The following ATP11C variants were observed in gnomAD, a reference collection of about 807,000 sequenced individuals.
ATP11C encodes phospholipid-transporting ATPase IG.
ATP11C carries 36 observed loss-of-function variants against 97.4 expected under a neutral mutation model. The ratio of observed to expected loss-of-function variants is 0.37; its 90% CI spans 0.28 to 0.49. ATP11C has a LOEUF of 0.49. ATP11C is among the 20% of genes least tolerant of loss of function. The pLI is 0.98. For synonymous variants in ATP11C, 275 were observed against 290.9 expected, an observed-to-expected ratio of 0.95 and a Z score of 0.56; for missense variants, 730 against 824.6, an observed-to-expected ratio of 0.89 and a Z score of 1.40.
intron 1 of ATP11C, among the ~76,000 whole-genome samples, chrX:139,839,801 TTCC>T (rs2083800957): frequency 9.0e-6 from 1 of 111,693 alleles, no homozygotes; most frequent in African/African-American, 3.3e-5. Context: ...GTCTGGTCTC[TTCC>T]TCCTATTTCC....
At chrX:139,778,373 G>GT (rs1023064185) in intron 18 of ATP11C, among the ~76,000 whole-genome samples, 1 of 111,882 alleles carries the variant, frequency 8.9e-6, no homozygotes, top group African/African-American at 3.3e-5. Flanking sequence ...TTAGTAGAAA[G>GT]TTAACAGATC....
intron 3 of ATP11C, among the ~76,000 whole-genome samples, chrX:139,818,280 G>A (rs2083330526): frequency 8.9e-6 from 1 of 111,813 alleles, no homozygotes; most frequent in Admixed American, 9.5e-5. Flanking sequence ...TATGTGACTG[G>A]TCTTCTCAGC....
chrX:139,882,748 A>G (rs999311981), intron 1 of ATP11C, among the ~76,000 whole-genome samples: 1 of 110,940 alleles, frequency 9.0e-6, no homozygotes, highest in Non-Finnish European at 1.9e-5. Context: ...CCCCTAATAA[A>G]CCCTTGCCAA....
intron 5 of ATP11C, among the ~76,000 whole-genome samples, chrX:139,810,872 T>G (rs972215733): frequency 7.3e-5 from 8 of 110,141 alleles, no homozygotes; most frequent in South Asian, 3.9e-4. Flanking sequence ...TCAGAGTTTT[T>G]TTTTTTTTTT....
At chrX:139,834,230 C>T (rs2083711090) in intron 1 of ATP11C, among the ~76,000 whole-genome samples, 1 of 111,633 alleles carries the variant, frequency 9.0e-6, no homozygotes, top group Non-Finnish European at 1.9e-5. Flanking sequence ...AGCCAGGGAG[C>T]TTGACAAGTG....
chrX:139,798,580 A>C (rs2082850993), intron 9 of ATP11C, 99 bp downstream of exon 9: 16 of 721,487 alleles, frequency 2.2e-5, no homozygotes, highest in Admixed American at 3.2e-5. Context: ...GGTTTAAATT[A>C]AATGGCAAAC....
Position 139,791,976 on chromosome X carries a change from C to G in ATP11C, c.1207-2488G>C, listed in dbSNP as rs750436795. 3.0e-4 allele frequency among the ~76,000 whole-genome samples: 33 copies of G among 110,904 alleles called. No individual in the cohort carries two copies. In the Admixed American group the frequency reaches 3.1e-3, roughly 10 times the overall value. On this transcript the variant is annotated intron_variant, in intron 12 of 29. Transcript: ENST00000682941. ...AGCCTTAGTATCTCCAAAGTGATAA[C>G]AGTGTTTTTGCATGCTAATGAGATG... is the stretch of plus-strand genomic sequence containing the variant.
chrX:139,729,498 C>T (rs191845725), intron 29 of ATP11C, among the ~76,000 whole-genome samples: 4 of 111,605 alleles, frequency 3.6e-5, no homozygotes, highest in African/African-American at 1.3e-4. Context: ...CTGAAAGAAG[C>T]ATATTTCCCC....
At chrX:139,769,317 T>TATATATATATATATATAG (rs1317181023) in intron 19 of ATP11C, among the ~76,000 whole-genome samples, 1 of 80,347 alleles carries the variant, frequency 1.2e-5, no homozygotes, top group Non-Finnish European at 2.3e-5. Flanking sequence ...TATATATATA[T>TATATATATATATATATAG]ATATATATAT....
chrX:139,881,916 GCAT>G (rs1468950683), intron 1 of ATP11C, among the ~76,000 whole-genome samples: 11 of 111,904 alleles, frequency 9.8e-5, no homozygotes, highest in Admixed American at 9.5e-5. Flanking sequence ...CCACTGTTTT[GCAT>G]CATAATAGGC....
chrX:139,754,981 T>C (rs1304251718), intron 23 of ATP11C, among the ~76,000 whole-genome samples: 1 of 111,834 alleles, frequency 8.9e-6, no homozygotes, highest in Non-Finnish European at 1.9e-5. Context: ...CTGGAAGTCC[T>C]AGCCAAAGCA....
At chrX:139,753,878 A>G (rs2081876596) in intron 23 of ATP11C, among the ~76,000 whole-genome samples, 1 of 111,017 alleles carries the variant, frequency 9.0e-6, no homozygotes, top group Admixed American at 9.6e-5. Context: ...AGTTAGAAAG[A>G]GGTCAAATTA....
At chrX:139,782,887 T>C (rs760029388) in intron 17 of ATP11C, among the ~76,000 whole-genome samples, 159 bp from the exon 18 acceptor site, 1 of 111,797 alleles carries the variant, frequency 8.9e-6, no homozygotes, top group African/African-American at 3.2e-5. Flanking sequence ...AAAGGTAACA[T>C]TCAATTAGGT....
intron 1 of ATP11C, chrX:139,832,243 C>T: frequency 1.7e-6 from 2 of 1,198,814 alleles, no homozygotes; most frequent in Non-Finnish European, 2.2e-6. Flanking sequence ...AGAGAGAATG[C>T]TGCAGATTAT....
chrX:139,770,356 T>C (rs1043661614), intron 19 of ATP11C, among the ~76,000 whole-genome samples: 1 of 111,766 alleles, frequency 8.9e-6, no homozygotes, highest in African/African-American at 3.3e-5. Context: ...ATATCTAAAG[T>C]AGGACTTGAA....
At chrX:139,745,585 GAACT>G in intron 25 of ATP11C, 133 bp downstream of exon 25, 11 of 583,179 alleles carry the variant, frequency 1.9e-5, no homozygotes, top group Non-Finnish European at 2.8e-5. Flanking sequence ...GAAGCTGTGA[GAACT>G]AACTACTGTA....
intron 4 of ATP11C, 77 bp downstream of exon 4, chrX:139,816,786 T>G (rs756865463): frequency 3.1e-5 from 20 of 654,792 alleles, no homozygotes; most frequent in Non-Finnish European, 4.3e-5. Context: ...TATATAAATA[T>G]GAAAAAGAGC....
chrX:139,819,375 A>G lies in ATP11C; in HGVS notation c.200T>C (p.Ile67Thr). 1 of 1,150,021 alleles carries G rather than the reference A, an allele frequency of 8.7e-7. No individual in the cohort carries two copies. The highest frequency in any genetic ancestry group is 2.1e-5 in the South Asian group (1 of 47,667). 94.8% of individuals were successfully genotyped at this position (1,150,021 alleles called of 1,213,427 possible). A position where few individuals can be genotyped will look rare whatever the true frequency, so the allele number is the denominator to read the frequency against. ...GATTATGAGAAAATAAAAATTTGCAATTCTTCTAAACTGTTCAAACAGATT... is the reference window on the plus strand; with the variant it reads ...GATTATGAGAAAATAAAAATTTGCAGTTCTTCTAAACTGTTCAAACAGATT... ...PKNLFEQFRR[I>T]ANFYFLIIFL... Residue 67 changes from isoleucine (I) to threonine (T), a missense_variant, in exon 3 of 30, where the codon ATT (isoleucine) becomes ACT (threonine). Coordinates refer to ENST00000682941, the MANE Select transcript of ATP11C (RefSeq NM_001353812.2).
At chrX:139,804,445 T>A in intron 6 of ATP11C, 26 bp downstream of exon 6, 1 of 1,175,205 alleles carries the variant, frequency 8.5e-7, no homozygotes. Context: ...GAGATCAAAA[T>A]GTTTAGGCAA....
Sources: allele counts gnomAD v4.1 joint callset (sites outside exome capture counted in the v4.1 genomes callset), GRCh38; gene constraint gnomAD v4.1.1; transcripts MANE v1.5; gene names NCBI Gene and HGNC (gene_info 2026-07-23, HGNC 2026-07-21).